CES3: variants seen among roughly 807,000 people sequenced by gnomAD.
The protein encoded by CES3 is carboxylesterase 3 (brain).
CES3 carries 49 observed loss-of-function variants against 57.6 expected under a neutral mutation model. The observed-to-expected ratio is 0.85, with a 90% CI of 0.68 to 1.08. The LOEUF (loss-of-function observed/expected upper bound fraction) is 1.08. Among genes scored for constraint, CES3 ranks in the 50% least tolerant of loss-of-function variants. The pLI is 0.00. For missense variants in CES3, 645 were observed against 742.0 expected (o/e 0.87, Z 1.52); for synonymous variants, 266 against 281.6 (o/e 0.94, Z 0.55).
In CES3 at chr16:66,964,347, C is replaced by T. The variant is rs1414403309; in HGVS notation, c.561-10C>T. On this transcript the variant is annotated splice_polypyrimidine_tract_variant and intron_variant, in intron 4 of 12. Coordinates refer to ENST00000303334, the MANE Select transcript of CES3 (RefSeq NM_024922.6). ...GGCTGAACTAACCGTTGCCCCAACA[C>T]TGCCCCCAGCACTGGAGATGAGCAT... is the stretch of plus-strand genomic sequence containing the variant. 2 of 1,612,734 alleles carry T rather than the reference C, an allele frequency of 1.2e-6. No homozygotes were observed. The highest frequency in any genetic ancestry group is 1.3e-5 in the African/African-American group (1 of 74,934).
Position 66,973,111 on chromosome 16 carries a change from C to T in CES3, c.*62C>T. On this transcript the variant is annotated 3_prime_UTR_variant, in exon 13 of 13. Transcript: ENST00000303334. Reference sequence around the variant, plus strand: ...TCTTCAAGTGGTGGCAGAGTCCCAGCACGGCAGCCCGCCTCTCCCCCTGCT... The same window carrying T: ...TCTTCAAGTGGTGGCAGAGTCCCAGTACGGCAGCCCGCCTCTCCCCCTGCT... 6.8e-7 allele frequency: 1 copy of T among 1,469,478 alleles called. No homozygotes were observed. The highest frequency in any genetic ancestry group is 1.2e-5 in the South Asian group (1 of 82,412). 91.0% of individuals were successfully genotyped at this position (1,469,478 alleles called of 1,614,324 possible).
intron 10 of CES3, 103 bp from the exon 11 acceptor site, chr16:66,972,253 C>A (rs571573990): frequency 9.9e-5 from 116 of 1,177,598 alleles, no homozygotes; most frequent in Non-Finnish European, 1.3e-4. Flanking sequence ...TCATCATCAT[C>A]ATCATCATCA....
chr16:66,972,660 CT>C lies in CES3; in HGVS notation c.1442-5del. ...TCTCGTTCAGTTCTGTCCCTCTCAC[CT>C]TTCCAGCCTTTCCAGAGGCCACAGA... On this transcript the variant is annotated splice_region_variant and splice_polypyrimidine_tract_variant and intron_variant, in intron 11 of 12. Coordinates refer to ENST00000303334, the MANE Select transcript of CES3 (RefSeq NM_024922.6). 1 of 1,614,190 alleles carries C rather than the reference CT, an allele frequency of 6.2e-7. No individual in the cohort carries two copies. Among genetic ancestry groups the C allele is most frequent in the Non-Finnish European group, 8.5e-7 (1 of 1,180,030 alleles).
chr16:66,973,421 T>C lies in CES3; in HGVS notation c.*372T>C. 5.2e-6 allele frequency: 1 copy of C among 192,148 alleles called. No individual in the cohort carries two copies. Among genetic ancestry groups the C allele is most frequent in the Non-Finnish European group, 1.1e-5 (1 of 92,252 alleles). The allele number at this position is 192,148 out of a possible 1,614,324, so 11.9% of individuals were successfully genotyped here. Reference sequence around the variant, plus strand: ...CCACCCGAGGCTAGCACCGTGTCTGTGTCTGTCTCCCCCTCAGAGGAGCTC... The same window carrying C: ...CCACCCGAGGCTAGCACCGTGTCTGCGTCTGTCTCCCCCTCAGAGGAGCTC... On this transcript the variant is annotated 3_prime_UTR_variant, in exon 13 of 13. Transcript: ENST00000303334.
At position 66,961,347 on chromosome 16, in the gene CES3, G is replaced by C; in HGVS notation, c.40G>C (p.Gly14Arg). ...GAGAGTGGAGTCCGGGGTCCTGGTC[G>C]GGGTGGTCTGTCTGCTCCTGGCATG... ...AVRVESGVLV[G>R]VVCLLLACPA... is the part of the protein sequence containing the mutation. Residue 14 changes from glycine (G) to arginine (R), a missense_variant, in exon 1 of 13, where the codon GGG becomes CGG. Coordinates refer to ENST00000303334, the MANE Select transcript of CES3 (RefSeq NM_024922.6). 1 of 1,613,734 alleles carries C rather than the reference G, an allele frequency of 6.2e-7. No homozygotes were observed. The highest frequency in any genetic ancestry group is 8.5e-7 in the Non-Finnish European group (1 of 1,179,878).
At chr16:66,964,946 C>T (rs1407123818) in intron 6 of CES3, among the ~76,000 whole-genome samples, 1 of 152,184 alleles carries the variant, frequency 6.6e-6, no homozygotes, top group Non-Finnish European at 1.5e-5. Context: ...TGAAGCATAT[C>T]ATTGTTGGCC....
At chr16:66,964,325 T>C in intron 4 of CES3, 32 bp from the exon 5 acceptor site, 1 of 1,608,158 alleles carries the variant, frequency 6.2e-7, no homozygotes, top group Non-Finnish European at 8.5e-7. Flanking sequence ...GGAGCCAGGC[T>C]GAACTAACCG....
chr16:66,970,549 T>G (rs1963815534), intron 9 of CES3, among the ~76,000 whole-genome samples: 1 of 152,238 alleles, frequency 6.6e-6, no homozygotes, highest in Non-Finnish European at 1.5e-5. Flanking sequence ...CTGTCAGATG[T>G]GGAGCTAGAT....
At position 66,973,124 on chromosome 16, in the gene CES3, C is replaced by A; in HGVS notation, c.*75C>A. On this transcript the variant is annotated 3_prime_UTR_variant, in exon 13 of 13. Transcript: ENST00000303334. ...GCAGAGTCCCAGCACGGCAGCCCGCCTCTCCCCCTGCTGAGACTTTAATCT... is the reference window on the plus strand; with the variant it reads ...GCAGAGTCCCAGCACGGCAGCCCGCATCTCCCCCTGCTGAGACTTTAATCT... 7.5e-7 allele frequency: 1 copy of A among 1,341,190 alleles called. No individual in the cohort carries two copies. Among genetic ancestry groups the A allele is most frequent in the Non-Finnish European group, 1.0e-6 (1 of 963,986 alleles). 83.1% of individuals were successfully genotyped at this position (1,341,190 alleles called of 1,614,324 possible). A position where few individuals can be genotyped will look rare whatever the true frequency, so the allele number is the denominator to read the frequency against.
At chr16:66,968,354 G>C (rs1166750598) in intron 8 of CES3, among the ~76,000 whole-genome samples, 2 of 151,930 alleles carry the variant, frequency 1.3e-5, no homozygotes, top group Non-Finnish European at 2.9e-5. Context: ...TTTTAGTAGA[G>C]ATGGGGTTTC....
Position 66,973,001 on chromosome 16 carries a change from A to G in CES3, c.1668A>G (p.Gln556=). 2 of 1,614,050 alleles carry G rather than the reference A, an allele frequency of 1.2e-6. No individual in the cohort carries two copies. The highest frequency in any genetic ancestry group is 1.7e-6 in the Non-Finnish European group (2 of 1,180,024). ...FWSETLPSKI[Q]QWHQKQKNRK... is the part of the protein sequence containing the mutation. ...CAGAGACGCTCCCCAGCAAGATACA[A>G]CAGTGGCACCAGAAGCAGAAGAACA... Residue 556 remains glutamine (Q), a synonymous_variant, in exon 13 of 13, where the codon CAA becomes CAG. Transcript: ENST00000303334.
In CES3 at chr16:66,975,096, A is replaced by G. The variant is rs1170984072; in HGVS notation, c.*2047A>G. ...GACAACCCCCCTCGGGTCCCCTCCCACGCCGTGGAAGCTTTGTTCTTTCGC... is the reference window on the plus strand; with the variant it reads ...GACAACCCCCCTCGGGTCCCCTCCCGCGCCGTGGAAGCTTTGTTCTTTCGC... On this transcript the variant is annotated 3_prime_UTR_variant, in exon 13 of 13. Coordinates refer to ENST00000303334, the MANE Select transcript of CES3 (RefSeq NM_024922.6). 6.6e-6 allele frequency: 1 copy of G among 152,242 alleles called. No individual in the cohort carries two copies. The highest frequency in any genetic ancestry group is 1.5e-5 in the Non-Finnish European group (1 of 68,086). 9.4% of individuals were successfully genotyped at this position (152,242 alleles called of 1,614,324 possible). A position where few individuals can be genotyped will look rare whatever the true frequency, so the allele number is the denominator to read the frequency against.
chr16:66,967,708 G>A (rs1480016319), intron 8 of CES3: 28 of 981,402 alleles, frequency 2.9e-5, no homozygotes, highest in Non-Finnish European at 3.1e-5. Flanking sequence ...TTTCGTCTTG[G>A]CCCATTGCAC....
In CES3 at chr16:66,963,974, G is replaced by A. The variant is rs201652828; in HGVS notation, c.560+39G>A. On this transcript the variant is annotated intron_variant, in intron 4 of 12. Transcript: ENST00000303334. This position sits in a 1 kb window ranked among gnomAD's most constrained non-coding sequence, Gnocchi z 4.9. The stretch of plus-strand genomic sequence containing the variant: ...CATGGCCAGAGCACTGCCTGCACCG[G>A]GGAGAGGCCAGCTCACCAGAGCAAC... 5 of 1,596,372 alleles carry A rather than the reference G, an allele frequency of 3.1e-6. No individual in the cohort carries two copies. The East Asian group carries it at 9.0e-5, about 29-fold the overall frequency.
chr16:66,966,894 A>G, intron 8 of CES3, 29 bp downstream of exon 8: 1 of 1,612,756 alleles, frequency 6.2e-7, no homozygotes. Context: ...TGTGCCCTTC[A>G]AGGCCCTGCC....
At position 66,966,840 on chromosome 16, in the gene CES3, A is replaced by G. The variant is rs1369567578; in HGVS notation, c.1037A>G (p.His346Arg). 3 of 1,614,122 alleles carry G rather than the reference A, an allele frequency of 1.9e-6. No homozygotes were observed. The highest frequency in any genetic ancestry group is 2.2e-5 in the East Asian group (1 of 44,870). ...SVPFLMGVNN[H>R]EFSWLIPRGW... ...CCCTTCCTCATGGGTGTCAACAACC[A>G]TGAGTTCAGCTGGCTCATCCCCAGG... The change falls in exon 8 of 13, where the codon CAT becomes CGT. Residue 346 changes from histidine to arginine, a missense_variant. By Grantham distance (29) the His-to-Arg change is conservative (BLOSUM62 0). Transcript: ENST00000303334.
In CES3 at chr16:66,969,670, T is replaced by C; in HGVS notation, c.1063-9T>C. On this transcript the variant is annotated splice_polypyrimidine_tract_variant and intron_variant, in intron 8 of 12. Coordinates refer to ENST00000303334, the MANE Select transcript of CES3 (RefSeq NM_024922.6). ...AGGCTCCACTGAGAGGGCCTTGGTG[T>C]CCACACAGGGCTGGGGTCTCCTGGA... The C allele has an allele frequency of 6.2e-7, 1 of 1,612,040 alleles. No individual in the cohort carries two copies. The highest frequency in any genetic ancestry group is 8.5e-7 in the Non-Finnish European group (1 of 1,179,186).
Position 66,973,035 on chromosome 16 carries a change from C to A in CES3, c.1702C>A (p.Gln568Lys). 1 of 1,613,846 alleles carries A rather than the reference C, an allele frequency of 6.2e-7. No individual in the cohort carries two copies. Among genetic ancestry groups the A allele is most frequent in the Non-Finnish European group, 8.5e-7 (1 of 1,179,974 alleles). The change falls in exon 13 of 13, where the codon CAG becomes AAG. Residue 568 changes from glutamine (Q) to lysine (K), a missense_variant. Gln to Lys is a moderately conservative substitution (Grantham distance 53, BLOSUM62 1). Coordinates refer to ENST00000303334, the MANE Select transcript of CES3 (RefSeq NM_024922.6). Reference sequence around the variant, plus strand: ...CCAGAAGCAGAAGAACAGGAAGGCCCAGGAGGACCTCTGAGGCCAGGCCTG... The same window carrying A: ...CCAGAAGCAGAAGAACAGGAAGGCCAAGGAGGACCTCTGAGGCCAGGCCTG... ...WHQKQKNRKA[Q>K]EDL
chr16:66,972,740 G>GGACAGGGTGAGTGAGT lies in CES3; in HGVS notation c.1520+2_1520+17dup. On this transcript the variant is annotated stop_gained and frameshift_variant, in exon 12 of 13. Transcript: ENST00000303334. LOFTEE classifies it low-confidence loss of function (END_TRUNC). ...ATGGCCCAGTGGACCCACTTTGCCC[G>GGACAGGGTGAGTGAGT]GACAGGGTGAGTGAGTGACAGGGCA... 1 of 1,614,148 alleles carries GGACAGGGTGAGTGAGT rather than the reference G, an allele frequency of 6.2e-7. No homozygotes were observed. The highest frequency in any genetic ancestry group is 8.5e-7 in the Non-Finnish European group (1 of 1,180,014).
Sources: allele counts gnomAD v4.1 joint callset (sites outside exome capture counted in the v4.1 genomes callset), GRCh38; gene constraint gnomAD v4.1.1; non-coding constraint Gnocchi (gnomAD v3.1); transcripts MANE v1.5; gene names NCBI Gene and HGNC (gene_info 2026-07-23, HGNC 2026-07-21).